The following SDHAF3 variants were observed in gnomAD, a reference collection of about 807,000 sequenced individuals.
The protein encoded by SDHAF3 is succinate dehydrogenase assembly factor 3, mitochondrial.
A neutral mutation model predicts 11.5 loss-of-function variants in SDHAF3; 18 were observed. That is an observed-to-expected ratio of 1.56 (90% CI 1.08 to 2.32). The LOEUF is 2.32. Among genes scored for constraint, SDHAF3 ranks in the 30% most tolerant of loss-of-function variants. The probability of loss-of-function intolerance (pLI) is 0.00; values close to 1 mark genes in which losing one functional copy is unlikely to be tolerated. For synonymous variants in SDHAF3, 72 were observed against 59.3 expected (o/e 1.21, Z -0.99); for missense variants, 200 against 154.4 (o/e 1.30, Z -1.57).
chr7:97,118,233 C>T (rs1791438940), intron 1 of SDHAF3, among the ~76,000 whole-genome samples: 1 of 152,152 alleles, frequency 6.6e-6, no homozygotes, highest in African/African-American at 2.4e-5. Context: ...TGCCTTTGCA[C>T]CTAGTAAGCG....
intron 1 of SDHAF3, among the ~76,000 whole-genome samples, chr7:97,165,708 C>A (rs1047303469): frequency 1.3e-5 from 2 of 152,180 alleles, no homozygotes; most frequent in Middle Eastern, 3.2e-3. Context: ...TTTTGTGAAA[C>A]TGAAGAGGTT....
chr7:97,137,714 C>G (rs1236276958), intron 1 of SDHAF3, among the ~76,000 whole-genome samples: 2 of 152,112 alleles, frequency 1.3e-5, no homozygotes, highest in East Asian at 3.9e-4. Flanking sequence ...GTTGTGAATG[C>G]TGGTCTTTTG....
rs111226708 is a variant in SDHAF3, at chr7:97,129,977, A to G, written c.174+12080A>G. Among the ~76,000 whole-genome samples, 27 of 152,322 alleles carry G rather than the reference A, an allele frequency of 1.8e-4. 1 individual carries two copies. Among genetic ancestry groups the G allele is most frequent in the African/African-American group, 5.8e-4 (24 of 41,574 alleles). On this transcript the variant is annotated intron_variant, in intron 1 of 1. Coordinates refer to ENST00000432641, the MANE Select transcript of SDHAF3 (RefSeq NM_020186.3). ...GTGCGAGGCTGTGGCTGGACCAGGCATACCACAGCAGCTTCCACCTTGGGT... is the reference window on the plus strand; with the variant it reads ...GTGCGAGGCTGTGGCTGGACCAGGCGTACCACAGCAGCTTCCACCTTGGGT...
At chr7:97,132,187 A>G (rs1169069501) in intron 1 of SDHAF3, among the ~76,000 whole-genome samples, 1 of 152,194 alleles carries the variant, frequency 6.6e-6, no homozygotes, top group Non-Finnish European at 1.5e-5. Context: ...AGACATGCTC[A>G]GTGAGTCAGC....
chr7:97,176,018 A>T (rs1358396487), intron 1 of SDHAF3, among the ~76,000 whole-genome samples: 1 of 152,160 alleles, frequency 6.6e-6, no homozygotes, highest in Non-Finnish European at 1.5e-5. Flanking sequence ...TTTTTTCTTC[A>T]TATCACATTC....
chr7:97,138,204 G>T (rs1031690901), intron 1 of SDHAF3, among the ~76,000 whole-genome samples: 1 of 148,386 alleles, frequency 6.7e-6, no homozygotes. Flanking sequence ...TTGTTTCCCA[G>T]GCTGGAGTGC....
At chr7:97,147,811 A>G (rs1301934390) in intron 1 of SDHAF3, among the ~76,000 whole-genome samples, 1 of 152,256 alleles carries the variant, frequency 6.6e-6, no homozygotes, top group Admixed American at 6.5e-5. Flanking sequence ...AGACTCTAAT[A>G]AGAACATTGT....
At chr7:97,146,520 T>C (rs978057685) in intron 1 of SDHAF3, among the ~76,000 whole-genome samples, 2 of 152,214 alleles carry the variant, frequency 1.3e-5, no homozygotes, top group African/African-American at 4.8e-5. Context: ...GAGACATATT[T>C]ATGTACTTTC....
At chr7:97,168,440 A>G (rs1789548119) in intron 1 of SDHAF3, among the ~76,000 whole-genome samples, 1 of 152,168 alleles carries the variant, frequency 6.6e-6, no homozygotes, top group African/African-American at 2.4e-5. Context: ...TTTGTTTAAA[A>G]CTGTAAACTA....
chr7:97,169,652 C>T (rs2115736177), intron 1 of SDHAF3, among the ~76,000 whole-genome samples: 1 of 151,884 alleles, frequency 6.6e-6, no homozygotes, highest in Non-Finnish European at 1.5e-5. Flanking sequence ...ATAGAATTAA[C>T]CTGCATTACA....
intron 1 of SDHAF3, among the ~76,000 whole-genome samples, chr7:97,173,113 C>G (rs1161291978): frequency 6.6e-6 from 1 of 152,178 alleles, no homozygotes; most frequent in Non-Finnish European, 1.5e-5. Flanking sequence ...GCTGACCTGA[C>G]AGGAGGTAGA....
intron 1 of SDHAF3, among the ~76,000 whole-genome samples, chr7:97,144,526 A>C (rs1263586481): frequency 1.3e-5 from 2 of 152,196 alleles, no homozygotes; most frequent in Non-Finnish European, 2.9e-5. Context: ...TCATTCTCTT[A>C]CATGTGGCTA....
At chr7:97,158,773 T>G (rs918537879) in intron 1 of SDHAF3, among the ~76,000 whole-genome samples, 4 of 152,216 alleles carry the variant, frequency 2.6e-5, no homozygotes, top group African/African-American at 9.6e-5. Context: ...AAAATAGGAC[T>G]AACAGGAGAT....
intron 1 of SDHAF3, among the ~76,000 whole-genome samples, chr7:97,178,551 A>G (rs1789724640): frequency 6.6e-6 from 1 of 152,176 alleles, no homozygotes; most frequent in Non-Finnish European, 1.5e-5. Context: ...AAATTATTAT[A>G]GTAGACATCT....
chr7:97,129,595 A>G (rs942682243), intron 1 of SDHAF3, among the ~76,000 whole-genome samples: 3 of 152,132 alleles, frequency 2.0e-5, no homozygotes, highest in Non-Finnish European at 2.9e-5. Flanking sequence ...AAATCCTTTC[A>G]TGTTAAAGAT....
At chr7:97,139,581 T>C (rs1788999405) in intron 1 of SDHAF3, among the ~76,000 whole-genome samples, 1 of 152,214 alleles carries the variant, frequency 6.6e-6, no homozygotes, top group African/African-American at 2.4e-5. Flanking sequence ...CTGAGACTCA[T>C]AGCTTGACTT....
At chr7:97,165,735 G>T (rs1428954956) in intron 1 of SDHAF3, among the ~76,000 whole-genome samples, 1 of 152,204 alleles carries the variant, frequency 6.6e-6, no homozygotes. Flanking sequence ...CAGAGTGCAA[G>T]GCTAAGTTGG....
intron 1 of SDHAF3, among the ~76,000 whole-genome samples, chr7:97,157,896 T>C (rs1271318518): frequency 7.5e-6 from 1 of 132,534 alleles, no homozygotes; most frequent in East Asian, 2.3e-4. Context: ...TTCTCACTCA[T>C]AGGTGGGAAT....
In SDHAF3 at chr7:97,119,943, A is replaced by G. The variant is rs955199209; in HGVS notation, c.174+2046A>G. Among the ~76,000 whole-genome samples the G allele has an allele frequency of 2.0e-5, 3 of 152,176 alleles. 1 individual carries two copies. Among genetic ancestry groups the G allele is most frequent in the Non-Finnish European group, 4.4e-5 (3 of 68,016 alleles). ...TCAGAGGGCACATGATACTAACATG[A>G]CTTCTTACTGGTGATGATAACTGTG... On this transcript the variant is annotated intron_variant, in intron 1 of 1. Coordinates refer to ENST00000432641, the MANE Select transcript of SDHAF3 (RefSeq NM_020186.3).
Sources: gnomAD v4.1 joint callset for allele counts (sites outside exome capture counted in the v4.1 genomes callset) on GRCh38, gnomAD v4.1.1 for gene constraint, MANE v1.5 for transcripts, NCBI Gene and HGNC (gene_info 2026-07-23, HGNC 2026-07-21) for gene names.